The following BCL2 variants were observed in gnomAD, a reference collection of about 807,000 sequenced individuals.
BCL2 encodes BCL2 apoptosis regulator.
BCL2 carries 1 observed loss-of-function variant against 14.2 expected under a neutral mutation model. That is an observed-to-expected ratio of 0.07 (90% CI 0.02 to 0.33). The LOEUF (loss-of-function observed/expected upper bound fraction) is 0.33, where lower values mean the gene tolerates loss of function less well. Ranked by LOEUF, BCL2 falls within the 10% of genes least tolerant of loss-of-function variation. BCL2 has a pLI of 0.99. For missense variants in BCL2, 247 were observed against 305.9 expected, an observed-to-expected ratio of 0.81 and a Z score of 1.44; for synonymous variants, 151 against 137.2, an observed-to-expected ratio of 1.10 and a Z score of -0.70.
intron 2 of BCL2, among the ~76,000 whole-genome samples, chr18:63,228,918 G>C (rs375349180): frequency 6.6e-6 from 1 of 152,176 alleles, no homozygotes; most frequent in Non-Finnish European, 1.5e-5. Flanking sequence ...CCATGTTGGC[G>C]AGGATGGTCT....
intron 2 of BCL2, among the ~76,000 whole-genome samples, chr18:63,201,286 C>T (rs1450881036): frequency 6.6e-6 from 1 of 152,088 alleles, no homozygotes; most frequent in Non-Finnish European, 1.5e-5. Flanking sequence ...TGTAAGATGG[C>T]CAAAATGTCT....
At chr18:63,200,465 G>A (rs1023633531) in intron 2 of BCL2, among the ~76,000 whole-genome samples, 35 of 152,320 alleles carry the variant, frequency 2.3e-4, no homozygotes, top group African/African-American at 7.5e-4. Context: ...ACACTCTTTT[G>A]TCAGGTGTTC....
intron 2 of BCL2, among the ~76,000 whole-genome samples, chr18:63,301,993 T>A (rs946978748): frequency 8.5e-5 from 13 of 152,262 alleles, no homozygotes; most frequent in African/African-American, 3.1e-4. Flanking sequence ...ATATTTTAGG[T>A]AATATTGGAC....
intron 2 of BCL2, among the ~76,000 whole-genome samples, chr18:63,295,242 A>G (rs1912767490): frequency 6.6e-6 from 1 of 151,616 alleles, no homozygotes; most frequent in Non-Finnish European, 1.5e-5. Flanking sequence ...AACAGAGAGA[A>G]CCAAGAAAGA....
chr18:63,281,186 T>A (rs574937148), intron 2 of BCL2, among the ~76,000 whole-genome samples: 3 of 152,088 alleles, frequency 2.0e-5, no homozygotes, highest in Admixed American at 6.6e-5. Flanking sequence ...GGAACAGGCA[T>A]TACTGTTGAA....
intron 2 of BCL2, among the ~76,000 whole-genome samples, chr18:63,183,712 G>C (rs1196176602): frequency 1.3e-5 from 2 of 152,186 alleles, no homozygotes; most frequent in African/African-American, 4.8e-5. Context: ...CTTCTGCATG[G>C]GGCGGGGGCG....
chr18:63,243,930 A>G (rs936178836), intron 2 of BCL2, among the ~76,000 whole-genome samples: 1 of 152,206 alleles, frequency 6.6e-6, no homozygotes, highest in African/African-American at 2.4e-5. Context: ...AAATATTGGA[A>G]GAGTCACTCT....
intron 2 of BCL2, among the ~76,000 whole-genome samples, chr18:63,309,914 G>A (rs1163247575): frequency 6.6e-6 from 1 of 151,964 alleles, no homozygotes; most frequent in African/African-American, 2.4e-5. Context: ...CTAGGCTGGA[G>A]TGCAGTGACA....
At chr18:63,293,239 C>T (rs909374704) in intron 2 of BCL2, among the ~76,000 whole-genome samples, 1 of 152,202 alleles carries the variant, frequency 6.6e-6, no homozygotes, top group South Asian at 2.1e-4. Flanking sequence ...CTGCACTGCC[C>T]AGGATGAAAT....
At chr18:63,162,915 C>T (rs1417555746) in intron 2 of BCL2, among the ~76,000 whole-genome samples, 1 of 151,994 alleles carries the variant, frequency 6.6e-6, no homozygotes, top group African/African-American at 2.4e-5. Context: ...GGAGTGCAGT[C>T]GCAATTATAG....
intron 2 of BCL2, among the ~76,000 whole-genome samples, chr18:63,255,196 C>G (rs757101531): frequency 6.6e-6 from 1 of 152,222 alleles, no homozygotes; most frequent in African/African-American, 2.4e-5. Context: ...AAAGCCAGCA[C>G]TTGTCACCTT....
intron 2 of BCL2, among the ~76,000 whole-genome samples, chr18:63,278,729 A>G (rs1015026124): frequency 8.5e-5 from 13 of 152,204 alleles, no homozygotes; most frequent in Admixed American, 2.6e-4. Flanking sequence ...CCCCTCCTTG[A>G]ATAAAGTCTT....
intron 2 of BCL2, among the ~76,000 whole-genome samples, chr18:63,135,086 G>A (rs1413001007): frequency 6.6e-6 from 1 of 152,228 alleles, no homozygotes; most frequent in Non-Finnish European, 1.5e-5. Flanking sequence ...GGTGAGGTGA[G>A]TGAAACTTTG....
At chr18:63,180,725 G>A (rs1270888831) in intron 2 of BCL2, among the ~76,000 whole-genome samples, 9 of 152,266 alleles carry the variant, frequency 5.9e-5, no homozygotes, top group African/African-American at 2.2e-4. Flanking sequence ...TAGTGATGGG[G>A]CTCTCAAACT....
At chr18:63,302,454 A>G (rs1912991225) in intron 2 of BCL2, 1 of 985,292 alleles carries the variant, frequency 1.0e-6, no homozygotes, top group Non-Finnish European at 1.2e-6. Flanking sequence ...CTCTGCCCGA[A>G]TAATAATTTC....
chr18:63,247,087 G>C (rs1472312629), intron 2 of BCL2, among the ~76,000 whole-genome samples: 2 of 152,170 alleles, frequency 1.3e-5, no homozygotes, highest in African/African-American at 2.4e-5. Flanking sequence ...TGAATTTTCT[G>C]ACCGGGCTAG....
intron 2 of BCL2, among the ~76,000 whole-genome samples, chr18:63,217,282 T>A (rs868763726): frequency 2.8e-4 from 42 of 152,314 alleles, no homozygotes; most frequent in Middle Eastern, 6.8e-3. Flanking sequence ...CGAAAGGCAT[T>A]CTGTAAGGCA....
At chr18:63,175,580 A>G (rs898865826) in intron 2 of BCL2, among the ~76,000 whole-genome samples, 2 of 152,168 alleles carry the variant, frequency 1.3e-5, no homozygotes, top group African/African-American at 4.8e-5. Flanking sequence ...AAGGAACCCA[A>G]AGTGTGAAAA....
In BCL2 at chr18:63,318,663, C is replaced by T; in HGVS notation, c.4G>A (p.Ala2Thr). Residue 2 changes from alanine (A) to threonine (T), a missense_variant, in exon 2 of 3, where the codon GCG becomes ACG. By Grantham distance (58) the Ala-to-Thr change is moderately conservative. Coordinates refer to ENST00000333681, the MANE Select transcript of BCL2 (RefSeq NM_000633.3). The surrounding 1 kb of genome is among the most constrained non-coding windows in gnomAD (Gnocchi z 7.4). Reference sequence around the variant, plus strand: ...TCGTACCCTGTTCTCCCAGCGTGCGCCATCCTTCCCAGAGGAAAAGCAACG... The same window carrying T: ...TCGTACCCTGTTCTCCCAGCGTGCGTCATCCTTCCCAGAGGAAAAGCAACG... Reference protein sequence around the residue: MAHAGRTGYDNR... With the variant: MTHAGRTGYDNR... 5.0e-6 allele frequency: 8 copies of T among 1,612,764 alleles called. No homozygotes were observed. The highest frequency in any genetic ancestry group is 6.8e-6 in the Non-Finnish European group (8 of 1,179,262).
Sources: gnomAD v4.1 joint callset for allele counts (sites outside exome capture counted in the v4.1 genomes callset) on GRCh38, gnomAD v4.1.1 for gene constraint, Gnocchi (gnomAD v3.1) non-coding constraint, MANE v1.5 for transcripts, NCBI Gene and HGNC (gene_info 2026-07-23, HGNC 2026-07-21) for gene names.